TET1: variants seen among roughly 807,000 people sequenced by gnomAD.
TET1 encodes methylcytosine dioxygenase TET1.
Under a neutral mutation model 148.7 loss-of-function variants are expected in TET1, and 13 were observed. The observed-to-expected ratio is 0.09, with a 90% CI of 0.06 to 0.14. TET1 has a LOEUF of 0.14. Ranked by LOEUF, TET1 falls within the 10% of genes least tolerant of loss-of-function variation. The pLI, the probability that TET1 is intolerant of heterozygous loss-of-function variation, is 1.00. For missense variants in TET1, 2,182 were observed against 2,553.8 expected, an observed-to-expected ratio of 0.85 and a Z score of 3.14; for synonymous variants, 907 against 937.2, an observed-to-expected ratio of 0.97 and a Z score of 0.59.
rs199940992 is a variant in TET1 at position 68,573,929 on chromosome 10, G to T, written c.1591G>T (p.Ala531Ser). 5.6e-6 allele frequency: 9 copies of T among 1,614,146 alleles called. No individual in the cohort carries two copies. In the African/African-American group the frequency reaches 1.1e-4, roughly 19 times the overall value. ...ACTCTTCCATGCTTCACTGGGTATA[G>T]CCCAACTCTCTCAGGCTGGTCCTAG... Reference protein sequence around the residue: ...RGLFHASLGIAQLSQAGPSKS... With the variant: ...RGLFHASLGISQLSQAGPSKS... Residue 531 changes from alanine to serine, a missense_variant, in exon 2 of 12, where the codon GCC (alanine) becomes TCC (serine). Coordinates refer to ENST00000373644, the MANE Select transcript of TET1 (RefSeq NM_030625.3).
At chr10:68,563,728 C>T (rs1380237405) in intron 1 of TET1, among the ~76,000 whole-genome samples, 1 of 152,218 alleles carries the variant, frequency 6.6e-6, no homozygotes, top group East Asian at 1.9e-4. Context: ...GTCTCCCAGG[C>T]TAGAGTGCAG....
intron 3 of TET1, among the ~76,000 whole-genome samples, chr10:68,602,949 G>T (rs1187379652): frequency 6.6e-6 from 1 of 152,106 alleles, no homozygotes; most frequent in African/African-American, 2.4e-5. Context: ...TCAGATTTTA[G>T]CTTGATGTGT....
chr10:68,642,510 C>A (rs2054772969), intron 3 of TET1, among the ~76,000 whole-genome samples: 1 of 152,010 alleles, frequency 6.6e-6, no homozygotes, highest in Non-Finnish European at 1.5e-5. Context: ...CAGGGCACAG[C>A]ATTTCTCTTT....
intron 8 of TET1, among the ~76,000 whole-genome samples, chr10:68,676,895 G>A (rs1049317344): frequency 6.6e-6 from 1 of 152,148 alleles, no homozygotes; most frequent in Non-Finnish European, 1.5e-5. Flanking sequence ...TTAAACAAGT[G>A]GGATCAAGAT....
chr10:68,677,962 G>A lies in TET1; in HGVS notation c.4825-3437G>A, dbSNP rs562579068. On this transcript the variant is annotated intron_variant, in intron 8 of 11. Transcript: ENST00000373644. Reference sequence around the variant, plus strand: ...TTTATTTTATTTTATTTTTTGAGAAGGGTTCTCACTCTGTCACCCAGGCAG... The same window carrying A: ...TTTATTTTATTTTATTTTTTGAGAAAGGTTCTCACTCTGTCACCCAGGCAG... Among the ~76,000 whole-genome samples the A allele has an allele frequency of 3.5e-3, 537 of 151,820 alleles. 5 individuals carry two copies. The highest frequency in any genetic ancestry group is 0.012 in the African/African-American group (510 of 41,364).
At chr10:68,641,719 T>C (rs1339388692) in intron 3 of TET1, among the ~76,000 whole-genome samples, 3 of 152,072 alleles carry the variant, frequency 2.0e-5, no homozygotes, top group Non-Finnish European at 4.4e-5. Flanking sequence ...GTCAAGATGG[T>C]CTCGATCTCC....
intron 6 of TET1, among the ~76,000 whole-genome samples, chr10:68,661,880 CTTTTTT>C (rs56047246): frequency 9.0e-6 from 1 of 111,126 alleles, no homozygotes; most frequent in Admixed American, 9.6e-5. Flanking sequence ...AATTTTTTTT[CTTTTTT>C]TTTTTTTTTT....
At chr10:68,605,948 A>T (rs951235670) in intron 3 of TET1, among the ~76,000 whole-genome samples, 1 of 151,980 alleles carries the variant, frequency 6.6e-6, no homozygotes, top group Non-Finnish European at 1.5e-5. Context: ...CTGGTTTTCA[A>T]CTCCTGGGCT....
intron 2 of TET1, 40 bp from the exon 3 acceptor site, chr10:68,600,941 T>C: frequency 6.3e-7 from 1 of 1,585,864 alleles, no homozygotes; most frequent in Non-Finnish European, 8.6e-7. Context: ...TAATTTTATT[T>C]CTTAAACAGA....
intron 4 of TET1, among the ~76,000 whole-genome samples, chr10:68,650,211 C>T (rs931175434): frequency 4.6e-5 from 7 of 152,178 alleles, no homozygotes; most frequent in Non-Finnish European, 7.3e-5. Flanking sequence ...ACACACATAA[C>T]TGCCAAATTG....
chr10:68,662,873 A>G (rs2055142307), intron 6 of TET1, among the ~76,000 whole-genome samples: 1 of 152,200 alleles, frequency 6.6e-6, no homozygotes, highest in South Asian at 2.1e-4. Flanking sequence ...GTGAGCCATG[A>G]TCAAACCACT....
At position 68,626,853 on chromosome 10, in the gene TET1, G is replaced by T. The variant is rs548489734; in HGVS notation, c.1969-17845G>T. Among the ~76,000 whole-genome samples the T allele has an allele frequency of 1.2e-3, 183 of 152,116 alleles. No individual in the cohort carries two copies. In the South Asian group the frequency reaches 0.021, roughly 18 times the overall value. On this transcript the variant is annotated intron_variant, in intron 3 of 11. Coordinates refer to ENST00000373644, the MANE Select transcript of TET1 (RefSeq NM_030625.3). ...TGCAAGCTACTATGACTGGCCCCTTGTTATTTTATTATTTATTTATTTATT... is the reference window on the plus strand; with the variant it reads ...TGCAAGCTACTATGACTGGCCCCTTTTTATTTTATTATTTATTTATTTATT...
chr10:68,682,314 G>C (rs1250555947), intron 9 of TET1, among the ~76,000 whole-genome samples: 1 of 151,754 alleles, frequency 6.6e-6, no homozygotes, highest in East Asian at 2.0e-4. Flanking sequence ...GTTTCACCAT[G>C]TTTCCCAGGC....
chr10:68,686,333 T>C, intron 10 of TET1, 23 bp from the exon 11 acceptor site: 1 of 1,556,250 alleles, frequency 6.4e-7, no homozygotes, highest in Non-Finnish European at 8.7e-7. Context: ...ATCTTTCCCA[T>C]TTCATGTTTT....
At chr10:68,588,736 A>T (rs1367284786) in intron 2 of TET1, among the ~76,000 whole-genome samples, 1 of 151,934 alleles carries the variant, frequency 6.6e-6, no homozygotes. Flanking sequence ...CTGCTGCTAT[A>T]TTTTAATATT....
chr10:68,572,016 C>A (rs1013155374), intron 1 of TET1, among the ~76,000 whole-genome samples: 9 of 152,096 alleles, frequency 5.9e-5, no homozygotes, highest in Non-Finnish European at 1.2e-4. Flanking sequence ...ACTTGGGGGG[C>A]TGAAGTGGGA....
At chr10:68,670,625 G>A (rs2055260264) in intron 7 of TET1, among the ~76,000 whole-genome samples, 1 of 152,126 alleles carries the variant, frequency 6.6e-6, no homozygotes, top group Non-Finnish European at 1.5e-5. Context: ...TACATAGTAA[G>A]TTAAACAACA....
rs142358697 is a variant in TET1, at chr10:68,691,104, A to G, written c.5701A>G (p.Ile1901Val). Residue 1901 changes from isoleucine to valine, a missense_variant, in exon 12 of 12, where the codon ATT becomes GTT. Transcript: ENST00000373644. This position sits in a 1 kb window ranked among gnomAD's most constrained non-coding sequence, Gnocchi z 4.4. Reference protein sequence around the residue: ...ANAAAADGPGISQLGEVAPLP... With the variant: ...ANAAAADGPGVSQLGEVAPLP... ...TGCAGCTGCTGCTGATGGCCCTGGC[A>G]TTTCACAGCTTGGCGAAGTGGCTCC... is the stretch of plus-strand genomic sequence containing the variant. 6.2e-7 allele frequency: 1 copy of G among 1,614,180 alleles called. No individual in the cohort carries two copies. Among genetic ancestry groups the G allele is most frequent in the Non-Finnish European group, 8.5e-7 (1 of 1,180,032 alleles).
chr10:68,673,935 C>CTTTTTTTTTTTTTTTTTTTTTTTTTT (rs11381293), intron 8 of TET1, among the ~76,000 whole-genome samples: 13 of 120,266 alleles, frequency 1.1e-4, no homozygotes, highest in East Asian at 4.7e-4. Flanking sequence ...CTTTCTTTTT[C>CTTTTTTTTTTTTTTTTTTTTTTTTTT]TTTTTTTTTT....
Sources: allele counts gnomAD v4.1 joint callset (sites outside exome capture counted in the v4.1 genomes callset), GRCh38; gene constraint gnomAD v4.1.1; non-coding constraint Gnocchi (gnomAD v3.1); transcripts MANE v1.5; gene names NCBI Gene and HGNC (gene_info 2026-07-23, HGNC 2026-07-21).